The following PPP3CA variants were observed in gnomAD, a reference collection of about 807,000 sequenced individuals.
PPP3CA encodes the protein protein phosphatase 3 catalytic subunit alpha, also known as CAM-PRP catalytic subunit.
A neutral mutation model predicts 66.5 loss-of-function variants in PPP3CA; 14 were observed. That is an observed-to-expected ratio of 0.21 (90% confidence interval 0.14 to 0.33). The LOEUF (loss-of-function observed/expected upper bound fraction) is 0.33. PPP3CA is among the 10% of genes least tolerant of loss of function. PPP3CA has a pLI of 1.00. For missense variants in PPP3CA, 317 were observed against 639.5 expected, an observed-to-expected ratio of 0.50 and a Z score of 5.44; for synonymous variants, 232 against 226.2, an observed-to-expected ratio of 1.03 and a Z score of -0.23.
chr4:101,288,339 C>T (rs73835916), intron 1 of PPP3CA, among the ~76,000 whole-genome samples: 10,312 of 152,116 alleles, frequency 0.068, 1,160 homozygotes, highest in African/African-American at 0.23. Context: ...TACATAAAGG[C>T]CATTTATTTT....
intron 12 of PPP3CA, among the ~76,000 whole-genome samples, chr4:101,031,650 G>A (rs1426186836): frequency 3.9e-5 from 6 of 152,054 alleles, no homozygotes; most frequent in Admixed American, 1.3e-4. Flanking sequence ...TCTGCTGGAC[G>A]GCACAGGTCT....
chr4:101,217,431 A>G (rs1288892442), intron 1 of PPP3CA, among the ~76,000 whole-genome samples: 2 of 152,258 alleles, frequency 1.3e-5, no homozygotes, highest in Middle Eastern at 3.4e-3. Flanking sequence ...ACTTTCAGAA[A>G]CATATTCAAT....
chr4:101,045,655 C>T (rs956292591), intron 10 of PPP3CA, among the ~76,000 whole-genome samples: 18 of 151,982 alleles, frequency 1.2e-4, no homozygotes, highest in African/African-American at 3.4e-4. Flanking sequence ...TGAGTAAACG[C>T]GGAAGATGGT....
At chr4:101,079,343 G>A (rs1018489092) in intron 8 of PPP3CA, among the ~76,000 whole-genome samples, 1 of 149,352 alleles carries the variant, frequency 6.7e-6, no homozygotes, top group South Asian at 2.1e-4. Context: ...CCTTAGATAT[G>A]TTATTTGACG....
intron 2 of PPP3CA, among the ~76,000 whole-genome samples, chr4:101,163,166 G>C (rs1723573108): frequency 6.6e-6 from 1 of 152,146 alleles, no homozygotes; most frequent in Non-Finnish European, 1.5e-5. Context: ...GCTTTGGCAG[G>C]CATTTCCTGC....
intron 1 of PPP3CA, among the ~76,000 whole-genome samples, chr4:101,252,780 T>C (rs1029259695): frequency 2.0e-5 from 3 of 152,174 alleles, no homozygotes; most frequent in Non-Finnish European, 2.9e-5. Flanking sequence ...CTTGCCCTCT[T>C]GTCCTCTTGC....
intron 1 of PPP3CA, among the ~76,000 whole-genome samples, chr4:101,299,390 G>GTT (rs201679318): frequency 7.1e-6 from 1 of 139,930 alleles, no homozygotes. Flanking sequence ...TGTTTTTTGG[G>GTT]TTTTTTTTTT....
intron 2 of PPP3CA, among the ~76,000 whole-genome samples, chr4:101,128,118 C>T (rs1722305248): frequency 6.6e-6 from 1 of 152,134 alleles, no homozygotes; most frequent in African/African-American, 2.4e-5. Flanking sequence ...CCAGTCTTCC[C>T]TATCCTAATA....
chr4:101,140,286 A>C (rs775936269), intron 2 of PPP3CA, among the ~76,000 whole-genome samples: 1 of 152,184 alleles, frequency 6.6e-6, no homozygotes, highest in African/African-American at 2.4e-5. Context: ...ATTTTAGTGT[A>C]TATCCATGCT....
At chr4:101,152,889 C>T (rs77378904) in intron 2 of PPP3CA, among the ~76,000 whole-genome samples, 4 of 151,976 alleles carry the variant, frequency 2.6e-5, no homozygotes, top group Non-Finnish European at 4.4e-5. Context: ...GGAAAAAAAA[C>T]GCGAAAGCAT....
chr4:101,162,043 C>A (rs548827017), intron 2 of PPP3CA, among the ~76,000 whole-genome samples: 2 of 152,246 alleles, frequency 1.3e-5, no homozygotes, highest in African/African-American at 4.8e-5. Context: ...AGTTCGAAAC[C>A]GGCCTGGCCA....
chr4:101,051,229 T>C (rs1727994614), intron 10 of PPP3CA, among the ~76,000 whole-genome samples: 1 of 152,026 alleles, frequency 6.6e-6, no homozygotes, highest in Admixed American at 6.6e-5. Flanking sequence ...AGAATGAAAA[T>C]AGGAAAATCT....
intron 8 of PPP3CA, among the ~76,000 whole-genome samples, chr4:101,064,490 CA>C (rs1217671406): frequency 6.6e-6 from 1 of 151,966 alleles, no homozygotes; most frequent in Admixed American, 6.6e-5. Context: ...CAGTAACCAA[CA>C]GATTTTATAT....
chr4:101,347,142 G>A lies in PPP3CA; in HGVS notation c.-346C>T, dbSNP rs945716493. 3 of 436,526 alleles carry A rather than the reference G, an allele frequency of 6.9e-6. No homozygotes were observed. The highest frequency in any genetic ancestry group is 1.2e-5 in the Non-Finnish European group (3 of 240,826). 27.0% of individuals were successfully genotyped at this position (436,526 alleles called of 1,614,324 possible). The stretch of plus-strand genomic sequence containing the variant: ...GGATGGGGAGGAGAAGCGCACACAC[G>A]AGCACCCACCCCGGCACGGAGACCC... On this transcript the variant is annotated 5_prime_UTR_variant, in exon 1 of 14. Transcript: ENST00000394854.
chr4:101,294,562 GT>G (rs1728133316), intron 1 of PPP3CA, among the ~76,000 whole-genome samples: 1 of 151,726 alleles, frequency 6.6e-6, no homozygotes, highest in Admixed American at 6.6e-5. Context: ...GCCTATATTT[GT>G]CTCTAATATT....
chr4:101,286,028 G>A (rs535989984), intron 1 of PPP3CA, among the ~76,000 whole-genome samples: 66 of 152,266 alleles, frequency 4.3e-4, no homozygotes, highest in Middle Eastern at 6.8e-3. Flanking sequence ...TGTACAAGGC[G>A]GGGGTGGATG....
intron 10 of PPP3CA, among the ~76,000 whole-genome samples, chr4:101,048,656 G>T (rs1029934919): frequency 1.3e-5 from 2 of 151,068 alleles, no homozygotes; most frequent in Non-Finnish European, 2.9e-5. Context: ...AAAATATTTA[G>T]AATATCTTTC....
intron 2 of PPP3CA, among the ~76,000 whole-genome samples, chr4:101,145,366 A>G (rs1722936814): frequency 6.6e-6 from 1 of 152,184 alleles, no homozygotes; most frequent in Non-Finnish European, 1.5e-5. Context: ...TGTTTACAAT[A>G]GCCAAACCTA....
intron 1 of PPP3CA, among the ~76,000 whole-genome samples, chr4:101,243,157 G>T (rs958912329): frequency 1.3e-5 from 2 of 152,130 alleles, no homozygotes; most frequent in Non-Finnish European, 2.9e-5. Context: ...ATCCACTCCT[G>T]CTTTTTCATT....
Sources: allele counts gnomAD v4.1 joint callset (sites outside exome capture counted in the v4.1 genomes callset), GRCh38; gene constraint gnomAD v4.1.1; transcripts MANE v1.5; gene names NCBI Gene and HGNC (gene_info 2026-07-23, HGNC 2026-07-21).